Variants in MYH7B observed in about 807,000 individuals in gnomAD.
The protein encoded by MYH7B is myosin-7B.
A neutral mutation model predicts 234.5 loss-of-function variants in MYH7B; 205 were observed. The ratio of observed to expected loss-of-function variants is 0.87; its 90% CI spans 0.78 to 0.98. The LOEUF is 0.98. Ranked by LOEUF, MYH7B falls within the 50% of genes least tolerant of loss-of-function variation. MYH7B has a pLI of 0.00. For synonymous variants in MYH7B, 1,193 were observed against 1,105.0 expected (o/e 1.08, Z -1.58); for missense variants, 2,652 against 2,633.4 (o/e 1.01, Z -0.15).
intron 3 of MYH7B, among the ~76,000 whole-genome samples, chr20:34,975,711 G>A (rs1189341273): frequency 6.6e-6 from 1 of 152,058 alleles, no homozygotes; most frequent in African/African-American, 2.4e-5. Context: ...ATATCGCCAA[G>A]TTTGGCACTG....
chr20:34,986,308 G>A (rs578002734), intron 14 of MYH7B, 110 bp downstream of exon 14: 825 of 817,914 alleles, frequency 1.0e-3, no homozygotes, highest in Admixed American at 2.2e-3. Flanking sequence ...CCCTGTCCTG[G>A]GGTCTGTGGC....
At chr20:34,986,188 A>G in exon 14 of MYH7B, 1 of 1,593,544 alleles carries the variant, frequency 6.3e-7, no homozygotes, top group Non-Finnish European at 8.6e-7. Context: ...GGAGGAAGCC[A>G]GAGCTGCAGG....
chr20:34,980,520 A>G, intron 7 of MYH7B, 58 bp from the exon 8 acceptor site: 1 of 1,441,496 alleles, frequency 6.9e-7, no homozygotes. Flanking sequence ...CCTGGGAGAC[A>G]GAGCAAGACT....
exon 21 of MYH7B, chr20:34,990,032 G>T: frequency 6.2e-7 from 1 of 1,614,146 alleles, no homozygotes; most frequent in Non-Finnish European, 8.5e-7. Context: ...CAGCATTGTG[G>T]GCTGGCTGGA....
chr20:34,979,274 G>A, intron 5 of MYH7B, 116 bp from the exon 6 acceptor site: 1 of 751,232 alleles, frequency 1.3e-6, no homozygotes, highest in Non-Finnish European at 2.1e-6. Context: ...CTGGGTCCTG[G>A]CAGAGGGGCT....
intron 2 of MYH7B, among the ~76,000 whole-genome samples, chr20:34,963,556 T>G (rs542172931): frequency 6.6e-6 from 1 of 152,396 alleles, no homozygotes; most frequent in East Asian, 1.9e-4. Flanking sequence ...TTCGATAGTA[T>G]CTTTTGAAGC....
At chr20:34,999,099 G>A in exon 36 of MYH7B, 1 of 1,613,268 alleles carries the variant, frequency 6.2e-7, no homozygotes, top group South Asian at 1.1e-5. Context: ...GGAGGGCGTG[G>A]AGGCTGCCAA....
intron 2 of MYH7B, among the ~76,000 whole-genome samples, chr20:34,966,218 A>G (rs1277143274): frequency 6.6e-6 from 1 of 152,212 alleles, no homozygotes; most frequent in Admixed American, 6.5e-5. Flanking sequence ...GGCACCACAT[A>G]CTGATAGCTG....
At chr20:35,002,378 A>G in exon 45 of MYH7B, 1 of 517,682 alleles carries the variant, frequency 1.9e-6, no homozygotes, top group Middle Eastern at 4.9e-4. Flanking sequence ...ACACAGTCCT[A>G]GGGACAAAAG....
intron 2 of MYH7B, among the ~76,000 whole-genome samples, chr20:34,960,592 A>G (rs1347631981): frequency 6.6e-6 from 1 of 152,156 alleles, no homozygotes; most frequent in East Asian, 1.9e-4. Flanking sequence ...TGCATCACAC[A>G]TGGTCTGCAT....
chr20:34,988,061 G>A (rs2082064174), intron 18 of MYH7B, 31 bp from the exon 19 acceptor site: 2 of 1,597,714 alleles, frequency 1.3e-6, no homozygotes, highest in South Asian at 1.1e-5. Context: ...TCTGCGAGAG[G>A]TCTGCTGAGC....
In MYH7B at chr20:34,981,020, C is replaced by G. The variant is rs376965277; in HGVS notation, c.500-13C>G. On this transcript the variant is annotated splice_polypyrimidine_tract_variant and intron_variant, in intron 8 of 44. Transcript: ENST00000262873. ...CCTTGGCTGACTTCTCTATCCCCTT[C>G]CCTTTCCTCCAGACCGAGACAACCA... is the stretch of plus-strand genomic sequence containing the variant. The G allele has an allele frequency of 6.2e-7, 1 of 1,614,170 alleles. No homozygotes were observed. The highest frequency in any genetic ancestry group is 8.5e-7 in the Non-Finnish European group (1 of 1,180,014).
intron 14 of MYH7B, 125 bp from the exon 15 acceptor site, chr20:34,986,761 T>C: frequency 1.4e-6 from 1 of 711,454 alleles, no homozygotes; most frequent in Non-Finnish European, 2.4e-6. Context: ...GGAGATGAGG[T>C]CCTCTGGGAG....
chr20:34,991,664 A>T (rs548892734), intron 24 of MYH7B, among the ~76,000 whole-genome samples: 4 of 152,130 alleles, frequency 2.6e-5, no homozygotes, highest in Non-Finnish European at 5.9e-5. Context: ...AGGCTTCATG[A>T]GACACCTGGC....
exon 32 of MYH7B, chr20:34,997,454 G>C: frequency 1.3e-6 from 2 of 1,490,884 alleles, no homozygotes; most frequent in Non-Finnish European, 1.8e-6. Context: ...AGCTGGAGGA[G>C]GCGGCGCTGC....
chr20:34,993,743 C>T (rs1442896841), intron 26 of MYH7B, among the ~76,000 whole-genome samples: 1 of 152,228 alleles, frequency 6.6e-6, no homozygotes, highest in East Asian at 1.9e-4. Context: ...GGGCCGGGCC[C>T]CAGGCAAGAT....
chr20:34,999,735 C>A, intron 37 of MYH7B, 40 bp downstream of exon 37: 1 of 1,605,130 alleles, frequency 6.2e-7, no homozygotes, highest in South Asian at 1.1e-5. Flanking sequence ...CACTGACCTG[C>A]TGCTCCACTG....
At chr20:34,990,447 C>T (rs768246420) in intron 22 of MYH7B, 137 bp downstream of exon 22, 3 of 1,008,102 alleles carry the variant, frequency 3.0e-6, no homozygotes, top group Middle Eastern at 2.0e-4. Flanking sequence ...TCCACGTGAA[C>T]ATCACAGCAA....
chr20:34,994,261 G>A, exon 27 of MYH7B: 1 of 1,612,946 alleles, frequency 6.2e-7, no homozygotes, highest in Non-Finnish European at 8.5e-7. Context: ...GCAGGCTGAG[G>A]AGGAGCTGGC....
Sources: allele counts gnomAD v4.1 joint callset (sites outside exome capture counted in the v4.1 genomes callset), GRCh38; gene constraint gnomAD v4.1.1; transcripts MANE v1.5; gene names NCBI Gene and HGNC (gene_info 2026-07-23, HGNC 2026-07-21).